The following SYNDIG1 variants were observed in gnomAD, a reference collection of about 807,000 sequenced individuals.
SYNDIG1 encodes synapse differentiation inducing 1, also known as synapse differentiation-inducing gene protein 1.
SYNDIG1 carries 9 observed loss-of-function variants against 19.4 expected under a neutral mutation model. That is an observed-to-expected ratio of 0.46 (90% CI 0.28 to 0.81). The LOEUF (loss-of-function observed/expected upper bound fraction) is 0.81, where lower values mean the gene tolerates loss of function less well. SYNDIG1 is among the 30% of genes least tolerant of loss of function. The pLI is 0.12. For missense variants in SYNDIG1, 311 were observed against 343.3 expected (o/e 0.91, Z 0.74); for synonymous variants, 141 against 145.9 (o/e 0.97, Z 0.24).
At chr20:24,642,682 G>A (rs2059389788) in intron 3 of SYNDIG1, among the ~76,000 whole-genome samples, 1 of 152,004 alleles carries the variant, frequency 6.6e-6, no homozygotes, top group African/African-American at 2.4e-5. Context: ...ATTGGTTTCT[G>A]TGTCCACTTG....
At chr20:24,501,307 C>T (rs1189450250) in intron 1 of SYNDIG1, among the ~76,000 whole-genome samples, 1 of 152,216 alleles carries the variant, frequency 6.6e-6, no homozygotes, top group Non-Finnish European at 1.5e-5. Flanking sequence ...GTACCTGTAG[C>T]TTCCATATCC....
chr20:24,480,941 A>C (rs2055778967), intron 1 of SYNDIG1, among the ~76,000 whole-genome samples: 1 of 152,224 alleles, frequency 6.6e-6, no homozygotes, highest in South Asian at 2.1e-4. Context: ...CAGAGGCACA[A>C]AGTACAATGG....
chr20:24,588,610 G>C (rs974256472), intron 3 of SYNDIG1, among the ~76,000 whole-genome samples: 2 of 152,182 alleles, frequency 1.3e-5, no homozygotes, highest in Admixed American at 6.5e-5. Flanking sequence ...CATCACCCGG[G>C]AGGGGCCGTG....
intron 3 of SYNDIG1, among the ~76,000 whole-genome samples, chr20:24,592,450 G>A (rs1028921996): frequency 6.6e-6 from 1 of 152,290 alleles, no homozygotes; most frequent in South Asian, 2.1e-4. Context: ...ACATTGCTCA[G>A]AGAGTGTGGG....
At chr20:24,516,703 C>T (rs1193638116) in intron 1 of SYNDIG1, among the ~76,000 whole-genome samples, 2 of 152,206 alleles carry the variant, frequency 1.3e-5, no homozygotes, top group Non-Finnish European at 2.9e-5. Flanking sequence ...AATAGGAACA[C>T]TTTTACACTG....
chr20:24,644,871 G>C (rs1197030119), intron 3 of SYNDIG1, among the ~76,000 whole-genome samples: 2 of 152,140 alleles, frequency 1.3e-5, no homozygotes, highest in African/African-American at 4.8e-5. Flanking sequence ...CTGTGTCCTA[G>C]GTACTGTTCT....
intron 3 of SYNDIG1, among the ~76,000 whole-genome samples, chr20:24,659,625 G>A (rs1258821463): frequency 6.6e-6 from 1 of 152,226 alleles, no homozygotes; most frequent in African/African-American, 2.4e-5. Flanking sequence ...AGTGACGGGT[G>A]ATGAAACGGC....
chr20:24,582,388 CCT>C (rs2058343027), intron 2 of SYNDIG1, among the ~76,000 whole-genome samples: 1 of 125,046 alleles, frequency 8.0e-6, no homozygotes. Context: ...CCCCATATGT[CCT>C]CCCTTCTGCA....
intron 1 of SYNDIG1, among the ~76,000 whole-genome samples, chr20:24,529,307 G>A (rs577341347): frequency 1.1e-3 from 169 of 152,310 alleles, no homozygotes; most frequent in Middle Eastern, 6.8e-3. Context: ...ATTGTTAGTA[G>A]TAGTAGTGGT....
intron 1 of SYNDIG1, among the ~76,000 whole-genome samples, chr20:24,523,515 A>G (rs552189071): frequency 1.3e-5 from 2 of 152,354 alleles, no homozygotes; most frequent in South Asian, 4.1e-4. Context: ...TGTTATGGCT[A>G]TAAACCCAAG....
At chr20:24,664,572 T>C (rs2059631192) in intron 3 of SYNDIG1, among the ~76,000 whole-genome samples, 1 of 152,186 alleles carries the variant, frequency 6.6e-6, no homozygotes, top group South Asian at 2.1e-4. Flanking sequence ...CCCTCCATGG[T>C]GGCCTCCAAA....
In SYNDIG1 at chr20:24,487,646, TGTGTGTATAA is replaced by T. The variant is rs557913521; in HGVS notation, c.-79+17896_-79+17905del. Among the ~76,000 whole-genome samples the T allele has an allele frequency of 1.1e-3, 166 of 152,320 alleles. 2 individuals are homozygous for T. Among genetic ancestry groups the T allele is most frequent in the African/African-American group, 3.8e-3 (156 of 41,568 alleles). On this transcript the variant is annotated intron_variant, in intron 1 of 3. Transcript: ENST00000376862. ...AGATGTGTATGTGTACATGTATATG[TGTGTGTATAA>T]GTATGCATCTATGCATGCTAATATT...
intron 1 of SYNDIG1, among the ~76,000 whole-genome samples, chr20:24,516,429 C>T (rs772901081): frequency 1.4e-4 from 22 of 152,182 alleles, no homozygotes; most frequent in Non-Finnish European, 2.9e-4. Context: ...TTGCAATCTA[C>T]TCATCTGACA....
At chr20:24,544,258 C>T (rs6049773) in intron 2 of SYNDIG1, among the ~76,000 whole-genome samples, 13,982 of 152,192 alleles carry the variant, frequency 0.092, 767 homozygotes, top group African/African-American at 0.13. Context: ...AGGACAGCAC[C>T]GGTGAGAGGG....
intron 2 of SYNDIG1, among the ~76,000 whole-genome samples, chr20:24,553,666 T>C (rs900161942): frequency 6.6e-6 from 1 of 152,252 alleles, no homozygotes; most frequent in African/African-American, 2.4e-5. Flanking sequence ...TCCATTCATC[T>C]ATATCTCTGA....
At chr20:24,500,073 C>T (rs973181511) in intron 1 of SYNDIG1, among the ~76,000 whole-genome samples, 1 of 152,008 alleles carries the variant, frequency 6.6e-6, no homozygotes, top group Non-Finnish European at 1.5e-5. Context: ...GCCAGCCAGC[C>T]GTGTCCAGAC....
At chr20:24,522,923 C>A (rs779657704) in intron 1 of SYNDIG1, among the ~76,000 whole-genome samples, 7 of 152,224 alleles carry the variant, frequency 4.6e-5, no homozygotes, top group Admixed American at 2.0e-4. Context: ...GAACTTACTC[C>A]TTGCCACAAG....
rs149420434 is a variant in SYNDIG1, at chr20:24,595,878, C to G, written c.618+10885C>G. Among the ~76,000 whole-genome samples, 207 of 152,202 alleles carry G rather than the reference C, an allele frequency of 1.4e-3. 2 individuals carry two copies. The highest frequency in any genetic ancestry group is 4.9e-3 in the African/African-American group (205 of 41,534). ...TTCATTAGTCTACCTAGTTGTCTATCAAGCTTATTTATTCTTTCAAAGAAC... is the reference window on the plus strand; with the variant it reads ...TTCATTAGTCTACCTAGTTGTCTATGAAGCTTATTTATTCTTTCAAAGAAC... On this transcript the variant is annotated intron_variant, in intron 3 of 3. Transcript: ENST00000376862.
intron 3 of SYNDIG1, among the ~76,000 whole-genome samples, chr20:24,645,341 A>G (rs1271102923): frequency 6.6e-6 from 1 of 152,228 alleles, no homozygotes; most frequent in Non-Finnish European, 1.5e-5. Context: ...CTGAGTAGGA[A>G]CACAGCTCGT....
Sources: allele counts gnomAD v4.1 joint callset (sites outside exome capture counted in the v4.1 genomes callset), GRCh38; gene constraint gnomAD v4.1.1; transcripts MANE v1.5; gene names NCBI Gene and HGNC (gene_info 2026-07-23, HGNC 2026-07-21).